Variants in ADAMTS3 observed in about 807,000 individuals in gnomAD.
ADAMTS3 encodes ADAM metallopeptidase with thrombospondin type 1 motif 3, also known as A disintegrin and metalloproteinase with thrombospondin motifs 3.
A neutral mutation model predicts 129.0 loss-of-function variants in ADAMTS3; 73 were observed. The observed-to-expected ratio is 0.57, with a 90% CI of 0.47 to 0.69. The LOEUF is 0.69. Ranked by LOEUF, ADAMTS3 falls within the 30% of genes least tolerant of loss-of-function variation. ADAMTS3 has a pLI of 0.00. For missense variants in ADAMTS3, 1,457 were observed against 1,514.5 expected (o/e 0.96, Z 0.63); for synonymous variants, 477 against 510.8 (o/e 0.93, Z 0.89).
chr4:72,353,287 T>C (rs1720491066), intron 4 of ADAMTS3, among the ~76,000 whole-genome samples: 4 of 151,954 alleles, frequency 2.6e-5, no homozygotes, highest in Admixed American at 1.3e-4. Flanking sequence ...CCTGCAGAAG[T>C]TGGAACTATA....
At chr4:72,507,144 T>C (rs998245401) in intron 3 of ADAMTS3, among the ~76,000 whole-genome samples, 4 of 152,190 alleles carry the variant, frequency 2.6e-5, no homozygotes, top group African/African-American at 9.6e-5. Context: ...TAAATATAGT[T>C]TGAGACCACT....
At chr4:72,314,570 TA>T (rs2109801174) in intron 11 of ADAMTS3, among the ~76,000 whole-genome samples, 1 of 152,336 alleles carries the variant, frequency 6.6e-6, no homozygotes, top group East Asian at 1.9e-4. Context: ...AAGCATTTGT[TA>T]AAACTCAACT....
chr4:72,401,327 G>A (rs1721908448), intron 4 of ADAMTS3, among the ~76,000 whole-genome samples: 1 of 151,844 alleles, frequency 6.6e-6, no homozygotes, highest in African/African-American at 2.4e-5. Context: ...AGCACTTTGG[G>A]AGGCTGAGGT....
At chr4:72,483,131 C>A (rs1416093747) in intron 3 of ADAMTS3, among the ~76,000 whole-genome samples, 2 of 151,672 alleles carry the variant, frequency 1.3e-5, no homozygotes, top group Non-Finnish European at 2.9e-5. Context: ...TTCAACATTT[C>A]ATTTCTAGAG....
intron 4 of ADAMTS3, among the ~76,000 whole-genome samples, chr4:72,392,907 C>G (rs1464655906): frequency 7.0e-6 from 1 of 143,132 alleles, no homozygotes; most frequent in African/African-American, 2.5e-5. Flanking sequence ...AATTCTTCTA[C>G]CCATCGGATT....
intron 9 of ADAMTS3, among the ~76,000 whole-genome samples, 160 bp downstream of exon 9, chr4:72,319,172 T>C (rs1454773224): frequency 6.6e-6 from 1 of 152,216 alleles, no homozygotes; most frequent in African/African-American, 2.4e-5. Context: ...TGTGACTCCA[T>C]GATAAAATTT....
rs759487867 is a variant in ADAMTS3 at position 72,283,315 on chromosome 4, C to T, written c.3439G>A (p.Val1147Ile). 29 of 1,613,750 alleles carry T rather than the reference C, an allele frequency of 1.8e-5. No individual in the cohort carries two copies. The highest frequency in any genetic ancestry group is 1.1e-4 in the East Asian group (5 of 44,856). The change falls in exon 22 of 22, where the codon GTA (valine) becomes ATA (isoleucine). Residue 1147 changes from valine to isoleucine, a missense_variant. Transcript: ENST00000286657. ...AGSKTVRLVT[V>I]PSSPPTKRVH... ...CTCTTGGTGGGTGGGGAGGATGGTACGGTGACCAGTCTCACAGTCTTACTT... is the reference window on the plus strand; with the variant it reads ...CTCTTGGTGGGTGGGGAGGATGGTATGGTGACCAGTCTCACAGTCTTACTT...
intron 4 of ADAMTS3, among the ~76,000 whole-genome samples, chr4:72,367,699 G>T (rs1240581938): frequency 3.3e-5 from 5 of 151,986 alleles, no homozygotes; most frequent in Non-Finnish European, 5.9e-5. Flanking sequence ...AAACACAAAA[G>T]ATTAGCCGGG....
chr4:72,436,772 C>T (rs987606884), intron 3 of ADAMTS3, among the ~76,000 whole-genome samples: 64 of 151,776 alleles, frequency 4.2e-4, no homozygotes, highest in Admixed American at 1.0e-3. Flanking sequence ...AACCAAACAC[C>T]GCATGTTCTC....
intron 3 of ADAMTS3, among the ~76,000 whole-genome samples, chr4:72,499,986 A>G (rs189192408): frequency 1.3e-5 from 2 of 152,318 alleles, no homozygotes; most frequent in East Asian, 3.9e-4. Context: ...AAAGTATTCA[A>G]TGGTGTATAT....
intron 4 of ADAMTS3, among the ~76,000 whole-genome samples, chr4:72,359,974 A>C (rs891441580): frequency 2.0e-5 from 3 of 152,116 alleles, no homozygotes; most frequent in African/African-American, 7.2e-5. Flanking sequence ...AAATAAGAGG[A>C]AGGCAGAAGG....
chr4:72,564,348 T>C (rs1188679113), intron 2 of ADAMTS3, among the ~76,000 whole-genome samples: 1 of 152,180 alleles, frequency 6.6e-6, no homozygotes, highest in African/African-American at 2.4e-5. Context: ...CAAGCCTCCT[T>C]ACCCAATTGG....
chr4:72,408,103 A>G (rs1722095861), intron 4 of ADAMTS3, among the ~76,000 whole-genome samples: 1 of 152,228 alleles, frequency 6.6e-6, no homozygotes, highest in African/African-American at 2.4e-5. Context: ...TATGCATTAA[A>G]GGAGCATTTG....
At chr4:72,286,690 T>C (rs2109765882) in intron 21 of ADAMTS3, among the ~76,000 whole-genome samples, 1 of 152,308 alleles carries the variant, frequency 6.6e-6, no homozygotes, top group South Asian at 2.1e-4. Flanking sequence ...CGTCCACAGT[T>C]GTCACTGTCG....
chr4:72,327,241 C>T (rs1438120607), intron 5 of ADAMTS3, among the ~76,000 whole-genome samples: 2 of 152,096 alleles, frequency 1.3e-5, no homozygotes, highest in Non-Finnish European at 2.9e-5. Flanking sequence ...AAAAGGATAT[C>T]ATACTAAATT....
At chr4:72,294,128 T>C (rs1387568320) in intron 19 of ADAMTS3, among the ~76,000 whole-genome samples, 2 of 152,070 alleles carry the variant, frequency 1.3e-5, no homozygotes, top group African/African-American at 4.8e-5. Context: ...TTTGTGTCAT[T>C]TGCCACAACA....
chr4:72,518,411 A>T (rs1316851199), intron 3 of ADAMTS3, among the ~76,000 whole-genome samples: 12 of 152,108 alleles, frequency 7.9e-5, no homozygotes, highest in East Asian at 1.9e-4. Context: ...TCTGTCTCGT[A>T]GATCTGTCTA....
chr4:72,487,494 A>G (rs746957669), intron 3 of ADAMTS3, among the ~76,000 whole-genome samples: 37 of 152,224 alleles, frequency 2.4e-4, no homozygotes, highest in Admixed American at 9.2e-4. Flanking sequence ...AGTAAAACAG[A>G]TGCCCATCTC....
rs184404558 is a variant in ADAMTS3 at position 72,467,389 on chromosome 4, A to G, written c.505-52418T>C. On this transcript the variant is annotated intron_variant, in intron 3 of 21. Transcript: ENST00000286657. ...AACTTCTCTAAGTCTTATTTCAGTG[A>G]TCCTCCTAAAATGCAAGAGCACTCC... Among the ~76,000 whole-genome samples, 12 of 152,122 alleles carry G rather than the reference A, an allele frequency of 7.9e-5. No homozygotes were observed. The East Asian group carries it at 1.9e-3, about 25-fold the overall frequency.
Sources: allele counts gnomAD v4.1 joint callset (sites outside exome capture counted in the v4.1 genomes callset), GRCh38; gene constraint gnomAD v4.1.1; transcripts MANE v1.5; gene names NCBI Gene and HGNC (gene_info 2026-07-23, HGNC 2026-07-21).